Variants in LINGO2 observed in about 807,000 individuals in gnomAD.
The protein encoded by LINGO2 is leucine-rich repeat and immunoglobulin-like domain-containing nogo receptor-interacting protein 2.
A neutral mutation model predicts 30.6 loss-of-function variants in LINGO2; 14 were observed. The ratio of observed to expected loss-of-function variants is 0.46; its 90% CI spans 0.30 to 0.72. The LOEUF is 0.72. Ranked by LOEUF, LINGO2 falls within the 30% of genes least tolerant of loss-of-function variation. The pLI, the probability that LINGO2 is intolerant of heterozygous loss-of-function variation, is 0.07. For missense variants in LINGO2, 729 were observed against 751.7 expected, an observed-to-expected ratio of 0.97 and a Z score of 0.35; for synonymous variants, 317 against 288.5, an observed-to-expected ratio of 1.10 and a Z score of -1.00.
chr9:28,819,343 A>T, the LINGO2 span, among the ~76,000 whole-genome samples: 1 of 151,934 alleles, frequency 6.6e-6, no homozygotes, highest in Non-Finnish European at 1.5e-5. Flanking sequence ...TCCACCCATC[A>T]TCCTTCTTCC....
chr9:28,663,175 G>T (rs1323053293), intron 1 of LINGO2, among the ~76,000 whole-genome samples: 4 of 151,164 alleles, frequency 2.6e-5, no homozygotes, highest in South Asian at 2.1e-4. Context: ...ATTTTTTTTT[G>T]TTGTTGTTGG....
the LINGO2 span, among the ~76,000 whole-genome samples, chr9:29,107,189 C>G: frequency 2.1e-4 from 32 of 152,062 alleles, no homozygotes; most frequent in Non-Finnish European, 3.4e-4. Flanking sequence ...AAATCCTGCT[C>G]TGGCAAGGAA....
At chr9:29,163,632 A>T in the LINGO2 span, among the ~76,000 whole-genome samples, 36 of 152,282 alleles carry the variant, frequency 2.4e-4, no homozygotes, top group South Asian at 6.2e-3. Flanking sequence ...TCTGGCTTCT[A>T]ATGTATTAAT....
chr9:28,134,155 T>C (rs1827450453), intron 4 of LINGO2, among the ~76,000 whole-genome samples: 1 of 152,184 alleles, frequency 6.6e-6, no homozygotes, highest in African/African-American at 2.4e-5. Context: ...GCCACAATCA[T>C]TGTAGCATGG....
chr9:28,666,127 G>A (rs1828792132), intron 1 of LINGO2, among the ~76,000 whole-genome samples: 1 of 151,930 alleles, frequency 6.6e-6, no homozygotes, highest in African/African-American at 2.4e-5. Context: ...CCTGACCTCA[G>A]GTGATCGACC....
At chr9:28,175,956 T>C (rs1415573293) in intron 4 of LINGO2, among the ~76,000 whole-genome samples, 1 of 152,192 alleles carries the variant, frequency 6.6e-6, no homozygotes, top group Admixed American at 6.5e-5. Context: ...TTTATACTGA[T>C]ATGACCTCAT....
At chr9:28,622,367 T>C (rs999985020) in intron 1 of LINGO2, among the ~76,000 whole-genome samples, 1 of 151,934 alleles carries the variant, frequency 6.6e-6, no homozygotes, top group Non-Finnish European at 1.5e-5. Context: ...TTGTTTTTAT[T>C]TTTTATTTTA....
the LINGO2 span, chr9:27,938,326 C>T: frequency 6.6e-6 from 1 of 152,150 alleles, no homozygotes; most frequent in Non-Finnish European, 1.5e-5. Context: ...AGGGTTCATA[C>T]TCAATGATAT....
the LINGO2 span, among the ~76,000 whole-genome samples, chr9:28,693,092 T>C: frequency 3.9e-5 from 6 of 152,112 alleles, no homozygotes; most frequent in African/African-American, 7.2e-5. Flanking sequence ...TTCAGCATTT[T>C]AGTTTTCCTC....
chr9:28,540,155 T>C (rs1436810572), intron 1 of LINGO2, among the ~76,000 whole-genome samples: 1 of 152,126 alleles, frequency 6.6e-6, no homozygotes, highest in African/African-American at 2.4e-5. Flanking sequence ...TTATTTCTTT[T>C]TCTATAACCA....
chr9:28,531,460 A>C (rs1344419018), intron 1 of LINGO2, among the ~76,000 whole-genome samples: 1 of 152,152 alleles, frequency 6.6e-6, no homozygotes, highest in African/African-American at 2.4e-5. Flanking sequence ...GTTATGTTTA[A>C]CAATTTGCAA....
chr9:28,803,150 A>T, the LINGO2 span, among the ~76,000 whole-genome samples: 4 of 152,032 alleles, frequency 2.6e-5, no homozygotes, highest in African/African-American at 9.7e-5. Context: ...TGTATCATCG[A>T]ATTTATTTTT....
chr9:28,203,436 T>A (rs1041833577), intron 4 of LINGO2, among the ~76,000 whole-genome samples: 1 of 152,064 alleles, frequency 6.6e-6, no homozygotes, highest in African/African-American at 2.4e-5. Flanking sequence ...AAGAGGGGTA[T>A]TTCTTTTGGG....
the LINGO2 span, among the ~76,000 whole-genome samples, chr9:29,156,696 T>C: frequency 6.6e-6 from 1 of 152,082 alleles, no homozygotes; most frequent in East Asian, 1.9e-4. Flanking sequence ...TAATACTTTA[T>C]AAAATGCTAG....
intron 4 of LINGO2, among the ~76,000 whole-genome samples, chr9:28,179,045 A>G (rs1828825633): frequency 6.6e-6 from 1 of 152,050 alleles, no homozygotes; most frequent in African/African-American, 2.4e-5. Context: ...AAAATGTACA[A>G]AAGTGAATTG....
chr9:28,132,361 T>C (rs1204692752), intron 4 of LINGO2, among the ~76,000 whole-genome samples: 1 of 151,944 alleles, frequency 6.6e-6, no homozygotes, highest in Non-Finnish European at 1.5e-5. Context: ...GGATAATGTC[T>C]AGATAAAAAC....
intron 4 of LINGO2, among the ~76,000 whole-genome samples, chr9:28,133,514 T>A (rs141936550): frequency 6.6e-6 from 1 of 152,160 alleles, no homozygotes; most frequent in Non-Finnish European, 1.5e-5. Context: ...TATTTAAGAT[T>A]CAATTGATAC....
chr9:28,487,929 T>C (rs1415530147), intron 1 of LINGO2, among the ~76,000 whole-genome samples: 1 of 152,134 alleles, frequency 6.6e-6, no homozygotes, highest in Admixed American at 6.6e-5. Context: ...AATGTATAGA[T>C]CAAAAGCCAA....
the LINGO2 span, among the ~76,000 whole-genome samples, chr9:29,056,184 TC>T: frequency 2.3e-4 from 35 of 152,182 alleles, no homozygotes; most frequent in South Asian, 6.0e-3. Flanking sequence ...TCCATAGTTT[TC>T]CATAGTGGTT....
Sources: gnomAD v4.1 joint callset for allele counts (sites outside exome capture counted in the v4.1 genomes callset) on GRCh38, gnomAD v4.1.1 for gene constraint, MANE v1.5 for transcripts, NCBI Gene and HGNC (gene_info 2026-07-23, HGNC 2026-07-21) for gene names.